The following DENND5B variants were observed in gnomAD, a reference collection of about 807,000 sequenced individuals.
The protein encoded by DENND5B is DENN domain-containing protein 5B.
DENND5B carries 34 observed loss-of-function variants against 140.6 expected under a neutral mutation model. That is an observed-to-expected ratio of 0.24 (90% CI 0.18 to 0.32). The LOEUF is 0.32. Among genes scored for constraint, DENND5B ranks in the 10% least tolerant of loss-of-function variants. The pLI is 1.00. For synonymous variants in DENND5B, 551 were observed against 562.1 expected, an observed-to-expected ratio of 0.98 and a Z score of 0.28; for missense variants, 1,142 against 1,560.2, an observed-to-expected ratio of 0.73 and a Z score of 4.52.
chr12:31,573,074 A>G (rs150308460), intron 1 of DENND5B, among the ~76,000 whole-genome samples: 166 of 152,322 alleles, frequency 1.1e-3, no homozygotes, highest in African/African-American at 3.5e-3. Flanking sequence ...TCAAAGGCCT[A>G]TCTATAATCT....
At chr12:31,439,199 T>C (rs1593168109) in intron 7 of DENND5B, among the ~76,000 whole-genome samples, 1 of 152,234 alleles carries the variant, frequency 6.6e-6, no homozygotes, top group East Asian at 1.9e-4. Flanking sequence ...GTAAACAGCA[T>C]ATGAAGTTCT....
At chr12:31,542,346 A>T (rs1948708608) in intron 1 of DENND5B, among the ~76,000 whole-genome samples, 1 of 152,074 alleles carries the variant, frequency 6.6e-6, no homozygotes, top group Admixed American at 6.6e-5. Context: ...GTAGAAGGAT[A>T]GTTACCAGAG....
chr12:31,499,418 T>A (rs562658757), intron 1 of DENND5B, among the ~76,000 whole-genome samples: 13 of 152,294 alleles, frequency 8.5e-5, no homozygotes, highest in African/African-American at 3.1e-4. Context: ...ACTGAATACA[T>A]GTTTTCAAGG....
chr12:31,408,104 T>C (rs1942232896), intron 14 of DENND5B, among the ~76,000 whole-genome samples: 1 of 152,130 alleles, frequency 6.6e-6, no homozygotes. Flanking sequence ...GAGACCAGCC[T>C]GGCCAACATG....
chr12:31,409,373 T>C lies in DENND5B; in HGVS notation c.2693A>G (p.Lys898Arg). 6.5e-7 allele frequency: 1 copy of C among 1,550,308 alleles called. No homozygotes were observed. Residue 898 changes from lysine (K) to arginine (R), a missense_variant, in exon 14 of 21, where the codon AAG (lysine) becomes AGG (arginine). By Grantham distance (26) the Lys-to-Arg change is conservative. Transcript: ENST00000389082. ...TTCGCAACGTAGAAAAGCATATCGCTTATAAAGCTTCCTAGGAAAGGGTAA... is the reference window on the plus strand; with the variant it reads ...TTCGCAACGTAGAAAAGCATATCGCCTATAAAGCTTCCTAGGAAAGGGTAA... ...SNQPLTKKLY[K>R]RYAFLRCEEE... is the part of the protein sequence containing the mutation.
At chr12:31,486,224 G>C (rs1465401859) in intron 2 of DENND5B, among the ~76,000 whole-genome samples, 1 of 152,144 alleles carries the variant, frequency 6.6e-6, no homozygotes, top group Non-Finnish European at 1.5e-5. Context: ...TCTTATAAAA[G>C]GTTGAAGGGA....
intron 6 of DENND5B, among the ~76,000 whole-genome samples, chr12:31,446,277 T>C (rs1944272288): frequency 6.6e-6 from 1 of 151,948 alleles, no homozygotes; most frequent in African/African-American, 2.4e-5. Context: ...GCCTCCCTAG[T>C]AGCTGGGATT....
intron 3 of DENND5B, among the ~76,000 whole-genome samples, chr12:31,463,715 G>A (rs950061126): frequency 8.6e-5 from 13 of 151,926 alleles, no homozygotes; most frequent in Non-Finnish European, 1.8e-4. Context: ...AGGCTGGAGC[G>A]CAATGGCTCA....
intron 3 of DENND5B, 129 bp downstream of exon 3, chr12:31,479,460 T>C: frequency 1.1e-6 from 1 of 890,322 alleles, no homozygotes; most frequent in Non-Finnish European, 1.6e-6. Flanking sequence ...CCACCATACC[T>C]GCTCCCTTTA....
intron 11 of DENND5B, among the ~76,000 whole-genome samples, chr12:31,418,485 T>C (rs1262469349): frequency 1.3e-5 from 2 of 151,278 alleles, no homozygotes; most frequent in East Asian, 3.9e-4. Flanking sequence ...GGGTTTTGTC[T>C]CTATGTTTAT....
chr12:31,570,263 T>C (rs1258366644), intron 1 of DENND5B, among the ~76,000 whole-genome samples: 1 of 150,106 alleles, frequency 6.7e-6, no homozygotes, highest in African/African-American at 2.4e-5. Context: ...TAAGAACTAA[T>C]CAAAATTCTC....
At chr12:31,537,749 C>T (rs1382600706) in intron 1 of DENND5B, among the ~76,000 whole-genome samples, 5 of 151,876 alleles carry the variant, frequency 3.3e-5, no homozygotes, top group African/African-American at 9.7e-5. Flanking sequence ...GCACATTTCA[C>T]CTACAAAGAC....
chr12:31,487,978 C>T (rs1016161892), intron 2 of DENND5B, among the ~76,000 whole-genome samples: 13 of 152,156 alleles, frequency 8.5e-5, no homozygotes, highest in African/African-American at 2.7e-4. Flanking sequence ...TTTTTGGAGA[C>T]GGAATCTCAC....
chr12:31,388,778 ATT>A (rs1266909802), intron 20 of DENND5B, among the ~76,000 whole-genome samples: 2 of 152,226 alleles, frequency 1.3e-5, no homozygotes, highest in African/African-American at 4.8e-5. Context: ...AGAAGATGAT[ATT>A]TATATAGCAA....
chr12:31,402,070 CA>C (rs147304148), intron 15 of DENND5B, among the ~76,000 whole-genome samples: 27,212 of 119,586 alleles, frequency 0.23, 2,511 homozygotes, highest in Non-Finnish European at 0.26. Flanking sequence ...GATTCCGTCT[CA>C]AAAAAAAAAA....
chr12:31,521,313 C>CTTTT (rs10718996), intron 1 of DENND5B, among the ~76,000 whole-genome samples: 1 of 147,652 alleles, frequency 6.8e-6, no homozygotes, highest in Non-Finnish European at 1.5e-5. Context: ...TACAAAAAAA[C>CTTTT]TTTTTTTTTT....
chr12:31,490,234 C>T (rs1193087475), intron 2 of DENND5B, among the ~76,000 whole-genome samples: 6 of 131,934 alleles, frequency 4.5e-5, no homozygotes, highest in Admixed American at 4.2e-4. Flanking sequence ...GTTAAGGAAA[C>T]GGGCGAGAGG....
chr12:31,409,653 AT>A (rs1322074080), intron 13 of DENND5B, among the ~76,000 whole-genome samples: 1 of 151,310 alleles, frequency 6.6e-6, no homozygotes, highest in East Asian at 2.0e-4. Context: ...TAATTTTTGT[AT>A]TTTTAGTAGG....
At position 31,396,154 on chromosome 12, in the gene DENND5B, C is replaced by T. The variant is rs137919606; in HGVS notation, c.3256+2021G>A. ...GCACGATATTGGCTTACTGCAACCTCCACCTCTCAGGTTCAAGCAATTCTC... is the reference window on the plus strand; with the variant it reads ...GCACGATATTGGCTTACTGCAACCTTCACCTCTCAGGTTCAAGCAATTCTC... On this transcript the variant is annotated intron_variant, in intron 17 of 20. Transcript: ENST00000389082. Among the ~76,000 whole-genome samples the T allele has an allele frequency of 2.9e-3, 435 of 150,870 alleles. 7 individuals are homozygous for T. The East Asian group carries it at 0.042, about 14-fold the overall frequency.
Sources: gnomAD v4.1 joint callset for allele counts (sites outside exome capture counted in the v4.1 genomes callset) on GRCh38, gnomAD v4.1.1 for gene constraint, MANE v1.5 for transcripts, NCBI Gene and HGNC (gene_info 2026-07-23, HGNC 2026-07-21) for gene names.